The following CLVS1 variants were observed in gnomAD, a reference collection of about 807,000 sequenced individuals.
The protein encoded by CLVS1 is clavesin 1.
In CLVS1, 10 loss-of-function variants were observed where a neutral mutation model predicts 33.1. That is an observed-to-expected ratio of 0.30 (90% CI 0.19 to 0.51). The LOEUF (loss-of-function observed/expected upper bound fraction) is 0.51, where lower values mean the gene tolerates loss of function less well. Among genes scored for constraint, CLVS1 ranks in the 20% least tolerant of loss-of-function variants. The probability of loss-of-function intolerance (pLI) is 0.97; values close to 1 mark genes in which losing one functional copy is unlikely to be tolerated. For synonymous variants in CLVS1, 163 were observed against 166.1 expected (o/e 0.98, Z 0.14); for missense variants, 343 against 433.4 (o/e 0.79, Z 1.85).
At chr8:61,308,069 G>A (rs751467362) in intron 2 of CLVS1, among the ~76,000 whole-genome samples, 44 of 152,286 alleles carry the variant, frequency 2.9e-4, no homozygotes, top group Non-Finnish European at 6.2e-4. Flanking sequence ...TTTCTCAGAG[G>A]AAGAACCTTA....
At chr8:61,107,634 C>T (rs1387983045) in intron 1 of CLVS1, among the ~76,000 whole-genome samples, 2 of 152,214 alleles carry the variant, frequency 1.3e-5, no homozygotes, top group African/African-American at 2.4e-5. Flanking sequence ...GACAAACATT[C>T]AGACCATAGC....
At chr8:61,388,369 T>A (rs750245776) in intron 3 of CLVS1, among the ~76,000 whole-genome samples, 2 of 150,728 alleles carry the variant, frequency 1.3e-5, no homozygotes, top group Non-Finnish European at 3.0e-5. Flanking sequence ...GTGGTCAGTA[T>A]GACAACACCT....
intron 3 of CLVS1, among the ~76,000 whole-genome samples, chr8:61,435,072 C>T (rs1008732888): frequency 6.6e-6 from 1 of 152,150 alleles, no homozygotes; most frequent in African/African-American, 2.4e-5. Context: ...GTTTGTAGGG[C>T]ATGACTCCCT....
At chr8:61,153,023 C>T (rs1221821416) in intron 2 of CLVS1, among the ~76,000 whole-genome samples, 1 of 152,074 alleles carries the variant, frequency 6.6e-6, no homozygotes, top group African/African-American at 2.4e-5. Flanking sequence ...AAAAAATTAG[C>T]TGGGCATGGT....
rs114130401 is a variant in CLVS1, at chr8:61,318,181, G to A, written c.455+17899G>A. 2.2e-3 allele frequency among the ~76,000 whole-genome samples: 336 copies of A among 152,266 alleles called. 2 individuals are homozygous for A. The highest frequency in any genetic ancestry group is 7.6e-3 in the African/African-American group (314 of 41,562). On this transcript the variant is annotated intron_variant, in intron 2 of 5. Coordinates refer to ENST00000325897, the MANE Select transcript of CLVS1 (RefSeq NM_173519.3). ...TTGCATTCTGTTTGCTTTAGAAAGC[G>A]TGTTGTCAGTCTAATTGCTGTTTCT...
rs16926934 is a variant in CLVS1 at position 61,146,169 on chromosome 8, G to A, written c.-152+14309G>A. On this transcript the variant is annotated intron_variant, in intron 2 of 2. Transcript: ENST00000522621. ...TTTCTTGCAGCATGTGGCTTCACAG[G>A]AAAAAAAAATTAAATGCACAGGACT... Among the ~76,000 whole-genome samples the A allele has an allele frequency of 4.7e-4, 71 of 151,322 alleles. 1 individual carries two copies. In the South Asian group the frequency reaches 0.012, roughly 26 times the overall value.
At chr8:61,331,774 T>C (rs984444720) in intron 2 of CLVS1, among the ~76,000 whole-genome samples, 1 of 151,978 alleles carries the variant, frequency 6.6e-6, no homozygotes, top group Non-Finnish European at 1.5e-5. Context: ...TTTCTACATT[T>C]TCTCATTTCC....
upstream of CLVS1, among the ~76,000 whole-genome samples, chr8:61,285,734 G>C (rs1809763497): frequency 6.6e-6 from 1 of 152,176 alleles, no homozygotes; most frequent in South Asian, 2.1e-4. Flanking sequence ...ATCCACGTGA[G>C]GGTGCACTGA....
At chr8:61,386,717 A>AT (rs1814099302) in intron 3 of CLVS1, among the ~76,000 whole-genome samples, 1 of 152,146 alleles carries the variant, frequency 6.6e-6, no homozygotes, top group African/African-American at 2.4e-5. Context: ...TCTCAAGCTC[A>AT]TTTTTTCTAG....
intron 2 of CLVS1, among the ~76,000 whole-genome samples, chr8:61,170,081 A>G (rs1305420514): frequency 6.6e-6 from 1 of 152,154 alleles, no homozygotes; most frequent in Non-Finnish European, 1.5e-5. Flanking sequence ...ATATACACAC[A>G]TATACACACA....
At chr8:61,012,609 G>A in the CLVS1 span, among the ~76,000 whole-genome samples, 4 of 152,118 alleles carry the variant, frequency 2.6e-5, no homozygotes, top group Non-Finnish European at 5.9e-5. Flanking sequence ...ACATGTATAT[G>A]GGTGGAATGG....
At chr8:61,285,863 GGATGTTTAA>G (rs1431908799), upstream of CLVS1, among the ~76,000 whole-genome samples, 3 of 152,120 alleles carry the variant, frequency 2.0e-5, no homozygotes, top group African/African-American at 7.2e-5. Flanking sequence ...TGACTAGCAT[GGATGTTTAA>G]GAGCCAAGAA....
At chr8:61,006,498 C>T in the CLVS1 span, among the ~76,000 whole-genome samples, 2 of 152,248 alleles carry the variant, frequency 1.3e-5, no homozygotes, top group African/African-American at 2.4e-5. Context: ...CTGTCTGCTG[C>T]GGTCCTGGGC....
At chr8:61,478,622 A>C (rs1046038894) in intron 5 of CLVS1, among the ~76,000 whole-genome samples, 4 of 152,124 alleles carry the variant, frequency 2.6e-5, no homozygotes, top group Admixed American at 6.5e-5. Context: ...CTGTTTTATC[A>C]GAGACTAGGA....
rs546743556 is a variant in CLVS1 at position 61,162,885 on chromosome 8, G to A, written c.-152+31025G>A. Among the ~76,000 whole-genome samples the A allele has an allele frequency of 3.3e-5, 5 of 152,208 alleles. No individual in the cohort carries two copies. The East Asian group carries it at 9.7e-4, about 29-fold the overall frequency. On this transcript the variant is annotated intron_variant, in intron 2 of 2. Transcript: ENST00000522621. ...TCTCTCTGCTTGCCTGCCAGCTGGG[G>A]GCATGGTTATTAGATCACATCAGAT...
At chr8:61,026,152 A>G in the CLVS1 span, among the ~76,000 whole-genome samples, 76,184 of 151,766 alleles carry the variant, frequency 0.5, 21,946 homozygotes, top group African/African-American at 0.8. Flanking sequence ...GGTTATTAGG[A>G]TGGGCTTTAT....
chr8:61,444,924 G>A (rs1440673780), intron 3 of CLVS1, among the ~76,000 whole-genome samples: 1 of 152,122 alleles, frequency 6.6e-6, no homozygotes, highest in Non-Finnish European at 1.5e-5. Flanking sequence ...GGAGGTGGTT[G>A]GAAGTATGGG....
rs59394782 is a variant in CLVS1, at chr8:61,088,487, C to CAAA, written c.-243+31274_-243+31276dup. On this transcript the variant is annotated intron_variant, in intron 1 of 2. Transcript: ENST00000522621. Reference sequence around the variant, plus strand: ...CCAAGGTAACAGAGCGAGACTGTCTCAAAAAAAAAAAAAAAAAAAGGAGCA... The same window carrying CAAA: ...CCAAGGTAACAGAGCGAGACTGTCTCAAAAAAAAAAAAAAAAAAAAAAGGAGCA... Among the ~76,000 whole-genome samples, 94 of 105,324 alleles carry CAAA rather than the reference C, an allele frequency of 8.9e-4. 1 individual carries two copies. Among genetic ancestry groups the CAAA allele is most frequent in the African/African-American group, 2.8e-3 (89 of 32,342 alleles). The allele number at this position is 105,324 out of a possible 152,430, so 69.1% of individuals were successfully genotyped here.
At chr8:61,391,184 A>G (rs1814289882) in intron 3 of CLVS1, 1 of 152,254 alleles carries the variant, frequency 6.6e-6, no homozygotes, top group Admixed American at 6.5e-5. Flanking sequence ...TGCCAGAGCT[A>G]GTTATTCATT....
Sources: allele counts gnomAD v4.1 joint callset (sites outside exome capture counted in the v4.1 genomes callset), GRCh38; gene constraint gnomAD v4.1.1; transcripts MANE v1.5; gene names NCBI Gene and HGNC (gene_info 2026-07-23, HGNC 2026-07-21).